The following GSG1L variants were observed in gnomAD, a reference collection of about 807,000 sequenced individuals.
The protein encoded by GSG1L is germ cell-specific gene 1-like protein.
A neutral mutation model predicts 42.1 loss-of-function variants in GSG1L; 24 were observed. The observed-to-expected ratio is 0.57, with a 90% CI of 0.41 to 0.80. The LOEUF (loss-of-function observed/expected upper bound fraction) is 0.80. Among genes scored for constraint, GSG1L ranks in the 30% least tolerant of loss-of-function variants. The pLI, the probability that GSG1L is intolerant of heterozygous loss-of-function variation, is 0.00. For synonymous variants in GSG1L, 215 were observed against 203.5 expected (o/e 1.06, Z -0.48); for missense variants, 445 against 472.2 (o/e 0.94, Z 0.53).
chr16:28,011,947 C>T (rs1449563970), intron 1 of GSG1L, among the ~76,000 whole-genome samples: 1 of 152,186 alleles, frequency 6.6e-6, no homozygotes, highest in African/African-American at 2.4e-5. Context: ...CAGCCAGCAG[C>T]CGTCAGCTTG....
rs745860945 is a variant in GSG1L, at chr16:27,979,731, GAA to G, written c.350-16530_350-16529del. On this transcript the variant is annotated intron_variant, in intron 1 of 6. Transcript: ENST00000447459. The stretch of plus-strand genomic sequence containing the variant: ...GGAAGGAAGGAAGGAAGGAAGGAAA[GAA>G]AAAGAAAGAAAGAAAGGAAAGAAAG... 1.2e-3 allele frequency among the ~76,000 whole-genome samples: 42 copies of G among 35,670 alleles called. 1 individual carries two copies. The highest frequency in any genetic ancestry group is 3.5e-3 in the African/African-American group (34 of 9,822). The allele number at this position is 35,670 out of a possible 152,430, so 23.4% of individuals were successfully genotyped here.
intron 3 of GSG1L, among the ~76,000 whole-genome samples, chr16:27,861,981 C>T (rs1004310747): frequency 5.3e-5 from 8 of 152,180 alleles, no homozygotes; most frequent in Non-Finnish European, 1.0e-4. Context: ...TCAGATGTGA[C>T]CCAACCCAAG....
At chr16:27,897,494 C>G (rs887743445) in intron 2 of GSG1L, among the ~76,000 whole-genome samples, 4 of 152,136 alleles carry the variant, frequency 2.6e-5, no homozygotes, top group African/African-American at 9.7e-5. Flanking sequence ...GAGATGAGGT[C>G]TCACCCTATT....
chr16:27,995,050 A>G (rs1319844914), intron 1 of GSG1L, among the ~76,000 whole-genome samples: 1 of 152,176 alleles, frequency 6.6e-6, no homozygotes, highest in Non-Finnish European at 1.5e-5. Flanking sequence ...TTTTCTGTTC[A>G]TGATCTTCCT....
chr16:28,057,440 G>A (rs190921381), intron 1 of GSG1L, among the ~76,000 whole-genome samples: 1 of 152,142 alleles, frequency 6.6e-6, no homozygotes, highest in Admixed American at 6.5e-5. Context: ...TGGTGGGGGG[G>A]CACCGTGGAT....
intron 1 of GSG1L, among the ~76,000 whole-genome samples, chr16:28,029,759 G>T (rs1011853042): frequency 1.1e-4 from 16 of 152,206 alleles, no homozygotes; most frequent in Non-Finnish European, 2.1e-4. Context: ...ATGGATGATG[G>T]ATGAGCAATG....
intron 2 of GSG1L, among the ~76,000 whole-genome samples, chr16:27,890,804 T>C (rs1483624190): frequency 6.6e-6 from 1 of 152,212 alleles, no homozygotes; most frequent in Non-Finnish European, 1.5e-5. Flanking sequence ...TCCCTGTGTA[T>C]CTGCTGTGAT....
chr16:27,867,659 C>A (rs1224497435), intron 3 of GSG1L, among the ~76,000 whole-genome samples: 1 of 152,200 alleles, frequency 6.6e-6, no homozygotes, highest in Non-Finnish European at 1.5e-5. Flanking sequence ...GGTTCCCCAC[C>A]CAACCCACTC....
intron 1 of GSG1L, among the ~76,000 whole-genome samples, chr16:27,994,441 A>G (rs1211702135): frequency 6.6e-6 from 1 of 152,194 alleles, no homozygotes. Flanking sequence ...TGTCTTTAAC[A>G]TTGCTCTAAC....
chr16:27,895,414 T>A (rs2084179749), intron 2 of GSG1L, among the ~76,000 whole-genome samples: 1 of 152,074 alleles, frequency 6.6e-6, no homozygotes, highest in Non-Finnish European at 1.5e-5. Context: ...TGTCTCCCTA[T>A]ACGACGAAAT....
At chr16:27,974,278 G>A (rs1007560526) in intron 1 of GSG1L, among the ~76,000 whole-genome samples, 4 of 152,148 alleles carry the variant, frequency 2.6e-5, no homozygotes, top group African/African-American at 7.2e-5. Flanking sequence ...AAAACGTCAC[G>A]GGAAAGCTGG....
At chr16:27,953,841 C>T (rs1029588621) in intron 2 of GSG1L, among the ~76,000 whole-genome samples, 1 of 151,890 alleles carries the variant, frequency 6.6e-6, no homozygotes, top group African/African-American at 2.4e-5. Flanking sequence ...ATTGCACCAC[C>T]GCACTCCAGC....
chr16:28,040,321 A>G lies in GSG1L; in HGVS notation c.349+22755T>C, dbSNP rs2086092177. Among the ~76,000 whole-genome samples, 1 of 152,084 alleles carries G rather than the reference A, an allele frequency of 6.6e-6. No individual in the cohort carries two copies. Among genetic ancestry groups the G allele is most frequent in the Non-Finnish European group, 1.5e-5 (1 of 68,022 alleles). On this transcript the variant is annotated intron_variant, in intron 1 of 6. Transcript: ENST00000447459. This position sits in a 1 kb window ranked among gnomAD's most constrained non-coding sequence, Gnocchi z 4.1. ...TTTTGACATTCCATTCTCAAGAGAA[A>G]TGTCACCTCCCCAGAGGCCTCCCTC...
chr16:27,868,439 C>T (rs2052543), intron 3 of GSG1L, among the ~76,000 whole-genome samples: 2 of 152,218 alleles, frequency 1.3e-5, no homozygotes, highest in East Asian at 1.9e-4. Flanking sequence ...GCCGTAAATA[C>T]GGCAAGGCCA....
chr16:27,897,541 C>T (rs961311912), intron 2 of GSG1L, among the ~76,000 whole-genome samples: 2 of 152,168 alleles, frequency 1.3e-5, no homozygotes, highest in African/African-American at 4.8e-5. Flanking sequence ...CTCAAGTAAT[C>T]CTCCTCTGTT....
At chr16:27,833,006 G>A (rs1317087148) in intron 4 of GSG1L, among the ~76,000 whole-genome samples, 2 of 152,126 alleles carry the variant, frequency 1.3e-5, no homozygotes, top group Admixed American at 6.5e-5. Flanking sequence ...TTATGTGTTT[G>A]ATATCAAATA....
chr16:28,057,329 G>A (rs1293594051), intron 1 of GSG1L, among the ~76,000 whole-genome samples: 3 of 152,136 alleles, frequency 2.0e-5, no homozygotes, highest in Non-Finnish European at 4.4e-5. Flanking sequence ...TGACCGGCTG[G>A]CAGGTTGGAC....
chr16:28,015,307 C>T (rs1284620338), intron 1 of GSG1L, among the ~76,000 whole-genome samples: 1 of 152,188 alleles, frequency 6.6e-6, no homozygotes, highest in Non-Finnish European at 1.5e-5. Context: ...AGTTTGGGAC[C>T]AGCCTGGGCA....
intron 2 of GSG1L, among the ~76,000 whole-genome samples, chr16:27,938,913 A>C (rs1335470989): frequency 1.3e-5 from 2 of 152,148 alleles, no homozygotes; most frequent in African/African-American, 4.8e-5. Context: ...GAGCCTTCTG[A>C]ATGTGTTCCA....
Sources: gnomAD v4.1 joint callset for allele counts (sites outside exome capture counted in the v4.1 genomes callset) on GRCh38, gnomAD v4.1.1 for gene constraint, Gnocchi (gnomAD v3.1) non-coding constraint, MANE v1.5 for transcripts, NCBI Gene and HGNC (gene_info 2026-07-23, HGNC 2026-07-21) for gene names.